NUDT14: variants seen among roughly 807,000 people sequenced by gnomAD.
The protein encoded by NUDT14 is uridine diphosphate glucose pyrophosphatase NUDT14.
NUDT14 carries 22 observed loss-of-function variants against 17.5 expected under a neutral mutation model. The ratio of observed to expected loss-of-function variants is 1.26; its 90% CI spans 0.90 to 1.80. The LOEUF (loss-of-function observed/expected upper bound fraction) is 1.80, where lower values mean the gene tolerates loss of function less well. Among genes scored for constraint, NUDT14 ranks in the 40% most tolerant of loss-of-function variants. NUDT14 has a pLI of 0.00. For synonymous variants in NUDT14, 129 were observed against 125.8 expected (o/e 1.03, Z -0.17); for missense variants, 296 against 295.6 (o/e 1.00, Z -0.01).
In NUDT14 at chr14:105,176,710, G is replaced by C; in HGVS notation, c.252C>G (p.Asp84Glu). The change falls in exon 4 of 5, where the codon GAC (aspartate) becomes GAG (glutamate). Residue 84 changes from aspartate to glutamate, a missense_variant. Transcript: ENST00000392568. Reference sequence around the variant, plus strand: ...GGGCTGGCTGTAGCTCCCGAGGCCCGTCCTGGTCTACAGCTGCTAGGGACC... The same window carrying C: ...GGGCTGGCTGTAGCTCCCGAGGCCCCTCCTGGTCTACAGCTGCTAGGGACC... ...FPGSLAAVDQ[D>E]GPRELQPALP... The C allele has an allele frequency of 1.9e-6, 3 of 1,612,700 alleles. No homozygotes were observed. Among genetic ancestry groups the C allele is most frequent in the South Asian group, 2.2e-5 (2 of 91,068 alleles).
Position 105,172,978 on chromosome 14 carries a change from G to GTCGCCGTATCATTAAAAAA in NUDT14, c.*42_*43insTTTTTTAATGATACGGCGA. ...CCTTTATTGGGGTCCGCGGGGTGTG[G>GTCGCCGTATCATTAAAAAA]GGTGAGTGGCCAAGACTGGCCTCTG... On this transcript the variant is annotated 3_prime_UTR_variant, in exon 5 of 5. Coordinates refer to ENST00000392568, the MANE Select transcript of NUDT14 (RefSeq NM_177533.5). The GTCGCCGTATCATTAAAAAA allele has an allele frequency of 6.8e-7, 1 of 1,463,054 alleles. No individual in the cohort carries two copies. Among genetic ancestry groups the GTCGCCGTATCATTAAAAAA allele is most frequent in the South Asian group, 1.5e-5 (1 of 65,972 alleles). The allele number at this position is 1,463,054 out of a possible 1,614,324, so 90.6% of individuals were successfully genotyped here.
At position 105,173,331 on chromosome 14, in the gene NUDT14, C is replaced by T. The variant is rs909631736; in HGVS notation, c.429-70G>A. On this transcript the variant is annotated intron_variant, in intron 4 of 4. Coordinates refer to ENST00000392568, the MANE Select transcript of NUDT14 (RefSeq NM_177533.5). This position sits in a 1 kb window ranked among gnomAD's most constrained non-coding sequence, Gnocchi z 4.7. Reference sequence around the variant, plus strand: ...GCTGGCCCCCTGGCCCTTCTACCACCCTCCAACCCACCCTCTCCACTCTGC... The same window carrying T: ...GCTGGCCCCCTGGCCCTTCTACCACTCTCCAACCCACCCTCTCCACTCTGC... 7.1e-7 allele frequency: 1 copy of T among 1,412,642 alleles called. No homozygotes were observed. The highest frequency in any genetic ancestry group is 9.2e-7 in the Non-Finnish European group (1 of 1,089,922). 87.5% of individuals were successfully genotyped at this position (1,412,642 alleles called of 1,614,324 possible). A position where few individuals can be genotyped will look rare whatever the true frequency, so the allele number is the denominator to read the frequency against.
At chr14:105,177,632 G>A in intron 2 of NUDT14, 60 bp downstream of exon 2, 1 of 1,530,004 alleles carries the variant, frequency 6.5e-7, no homozygotes, top group Non-Finnish European at 9.0e-7. Context: ...CCTGGGCCCA[G>A]TGTCCCCGTA....
At chr14:105,175,716 C>G in intron 4 of NUDT14, 2 of 1,000,986 alleles carry the variant, frequency 2.0e-6, no homozygotes, top group Non-Finnish European at 2.4e-6. Context: ...GGAAATGCTG[C>G]CTTTAACTTG....
chr14:105,174,236 C>T (rs953695023), intron 4 of NUDT14, among the ~76,000 whole-genome samples: 3 of 151,848 alleles, frequency 2.0e-5, no homozygotes, highest in Non-Finnish European at 4.4e-5. Context: ...CCTGGACTGG[C>T]GTGTGTGGAG....
intron 1 of NUDT14, among the ~76,000 whole-genome samples, chr14:105,180,557 T>C (rs988579616): frequency 2.0e-5 from 3 of 152,224 alleles, no homozygotes; most frequent in Non-Finnish European, 2.9e-5. Context: ...TGGCCTGGCA[T>C]GGGAGAAGGT....
Position 105,177,804 on chromosome 14 carries a change from C to T in NUDT14, c.82-69G>A, listed in dbSNP as rs1054777128. 5.4e-6 allele frequency: 8 copies of T among 1,487,930 alleles called. No individual in the cohort carries two copies. In the African/African-American group the frequency reaches 1.1e-4, roughly 21 times the overall value. The allele number at this position is 1,487,930 out of a possible 1,614,324, so 92.2% of individuals were successfully genotyped here. On this transcript the variant is annotated intron_variant, in intron 1 of 4. Transcript: ENST00000392568. ...GAGGTGCTCGGGGAACCGAGGAGGCCACAGACCCATTGCACCCACTCCTAA... is the reference window on the plus strand; with the variant it reads ...GAGGTGCTCGGGGAACCGAGGAGGCTACAGACCCATTGCACCCACTCCTAA...
At chr14:105,175,837 C>A in intron 4 of NUDT14, 1 of 1,064,796 alleles carries the variant, frequency 9.4e-7, no homozygotes. Flanking sequence ...CTGACAGGTG[C>A]AGAGACTTCC....
Position 105,176,721 on chromosome 14 carries a change from C to T in NUDT14, c.241G>A (p.Val81Ile), listed in dbSNP as rs754665869. 7 of 1,612,620 alleles carry T rather than the reference C, an allele frequency of 4.3e-6. No individual in the cohort carries two copies. Among genetic ancestry groups the T allele is most frequent in the Non-Finnish European group, 5.9e-6 (7 of 1,179,978 alleles). Reference protein sequence around the residue: ...ERRFPGSLAAVDQDGPRELQP... With the variant: ...ERRFPGSLAAIDQDGPRELQP... ...AGCTCCCGAGGCCCGTCCTGGTCTACAGCTGCTAGGGACCCTGGGAAGCGG... is the reference window on the plus strand; with the variant it reads ...AGCTCCCGAGGCCCGTCCTGGTCTATAGCTGCTAGGGACCCTGGGAAGCGG... The change falls in exon 4 of 5, where the codon GTA becomes ATA. Residue 81 changes from valine (V) to isoleucine (I), a missense_variant. Transcript: ENST00000392568.
In NUDT14 at chr14:105,176,723, G is replaced by C. The variant is rs1288053613; in HGVS notation, c.239C>G (p.Ala80Gly). The change falls in exon 4 of 5, where the codon GCT (alanine) becomes GGT (glycine). Residue 80 changes from alanine (A) to glycine (G), a missense_variant. Transcript: ENST00000392568. ...CTCCCGAGGCCCGTCCTGGTCTACA[G>C]CTGCTAGGGACCCTGGGAAGCGGCG... ...VERRFPGSLA[A>G]VDQDGPRELQ... 1 of 1,612,714 alleles carries C rather than the reference G, an allele frequency of 6.2e-7. No individual in the cohort carries two copies. Among genetic ancestry groups the C allele is most frequent in the African/African-American group, 1.3e-5 (1 of 75,056 alleles).
intron 4 of NUDT14, among the ~76,000 whole-genome samples, chr14:105,174,052 C>T (rs1465652745): frequency 2.6e-5 from 4 of 152,072 alleles, no homozygotes; most frequent in Admixed American, 6.5e-5. Context: ...ATGCACTGAC[C>T]GCCCCCCCAC....
At chr14:105,177,789 G>A (rs1012652718) in intron 1 of NUDT14, 54 bp from the exon 2 acceptor site, 2 of 1,573,908 alleles carry the variant, frequency 1.3e-6, no homozygotes, top group Non-Finnish European at 8.7e-7. Flanking sequence ...GAGGTGCTCG[G>A]GGAACCGAGG....
chr14:105,177,855 G>T, intron 1 of NUDT14, 120 bp from the exon 2 acceptor site: 1 of 862,756 alleles, frequency 1.2e-6, no homozygotes, highest in Non-Finnish European at 1.8e-6. Flanking sequence ...CGTGGCCTGG[G>T]CCCACGGGAG....
rs587603086 is a variant in NUDT14 at position 105,175,923 on chromosome 14, G to A, written c.428+611C>T. ...GCTGGTGCTCAGCTGGTGGGGGTGG[G>A]GGTCTGTGACACCCTCCTCCTTCCC... On this transcript the variant is annotated intron_variant, in intron 4 of 4. Transcript: ENST00000392568. 3.1e-5 allele frequency: 38 copies of A among 1,237,230 alleles called. No individual in the cohort carries two copies. The South Asian group carries it at 4.8e-4, about 16-fold the overall frequency. The allele number at this position is 1,237,230 out of a possible 1,614,324, so 76.6% of individuals were successfully genotyped here.
In NUDT14 at chr14:105,177,700, C is replaced by T. The variant is rs587657786; in HGVS notation, c.117G>A (p.Thr39=). The change falls in exon 2 of 5, where the codon ACG becomes ACA. Residue 39 remains threonine, a synonymous_variant. Coordinates refer to ENST00000392568, the MANE Select transcript of NUDT14 (RefSeq NM_177533.5). ...CTGGGCCAGGCTCTCACCTGTCATG[C>T]GTCTTCATGAAGTCCCAGGACTTCT... ...GAQKSWDFMK[T]HDSVTVLLFN... is the part of the protein sequence containing the mutation. The T allele has an allele frequency of 1.1e-5, 17 of 1,612,398 alleles. No homozygotes were observed. Among genetic ancestry groups the T allele is most frequent in the African/African-American group, 1.3e-5 (1 of 75,048 alleles).
chr14:105,180,291 T>C (rs1294033003), intron 1 of NUDT14, among the ~76,000 whole-genome samples: 3 of 151,990 alleles, frequency 2.0e-5, no homozygotes, highest in African/African-American at 4.8e-5. Flanking sequence ...CAGTGAGACG[T>C]CGTCTCTACA....
At chr14:105,174,942 C>T (rs1254016694) in intron 4 of NUDT14, among the ~76,000 whole-genome samples, 1 of 152,198 alleles carries the variant, frequency 6.6e-6, no homozygotes, top group Non-Finnish European at 1.5e-5. Context: ...CAGTCCAGCC[C>T]CCCATCAGGC....
intron 4 of NUDT14, among the ~76,000 whole-genome samples, chr14:105,174,603 G>C (rs1180644661): frequency 6.6e-6 from 1 of 152,054 alleles, no homozygotes; most frequent in Non-Finnish European, 1.5e-5. Context: ...CTCACCTCCC[G>C]CAGACCCCTT....
Position 105,173,247 on chromosome 14 carries a change from A to C in NUDT14, c.443T>G (p.Leu148Arg), listed in dbSNP as rs151042482. The C allele has an allele frequency of 7.0e-6, 11 of 1,573,240 alleles. No homozygotes were observed. The highest frequency in any genetic ancestry group is 6.9e-6 in the Non-Finnish European group (8 of 1,160,804). The change falls in exon 5 of 5, where the codon CTG becomes CGG. Residue 148 changes from leucine (L) to arginine (R), a missense_variant. Transcript: ENST00000392568. The surrounding 1 kb of genome is among the most constrained non-coding windows in gnomAD (Gnocchi z 4.7). ...GAACATGGTCTGTCTGGAGCCAGTC[A>C]GTCCCACTCCAGACCTACGGGTTGA... is the stretch of plus-strand genomic sequence containing the variant. ...RVATYWSGVG[L>R]TGSRQTMFYT... is the part of the protein sequence containing the mutation.
Sources: gnomAD v4.1 joint callset for allele counts (sites outside exome capture counted in the v4.1 genomes callset) on GRCh38, gnomAD v4.1.1 for gene constraint, Gnocchi (gnomAD v3.1) non-coding constraint, MANE v1.5 for transcripts, NCBI Gene and HGNC (gene_info 2026-07-23, HGNC 2026-07-21) for gene names.